Variants in RASA2 observed in about 807,000 individuals in gnomAD.
RASA2 encodes the protein ras GTPase-activating protein 2.
Under a neutral mutation model 118.2 loss-of-function variants are expected in RASA2, and 155 were observed. The ratio of observed to expected loss-of-function variants is 1.31; its 90% CI spans 1.15 to 1.50. RASA2 has a LOEUF of 1.50. RASA2 is among the 40% of genes most tolerant of loss of function. RASA2 has a pLI of 0.00. For missense variants in RASA2, 1,016 were observed against 1,009.6 expected, an observed-to-expected ratio of 1.01 and a Z score of -0.09; for synonymous variants, 353 against 349.1, an observed-to-expected ratio of 1.01 and a Z score of -0.12.
At chr3:141,597,425 T>C (rs1327542344) in intron 19 of RASA2, among the ~76,000 whole-genome samples, 1 of 152,096 alleles carries the variant, frequency 6.6e-6, no homozygotes, top group Admixed American at 6.6e-5. Flanking sequence ...GAAAGTAGGT[T>C]AGTGGCTGCT....
chr3:141,553,476 C>A (rs1001155836), intron 5 of RASA2, among the ~76,000 whole-genome samples: 4 of 151,870 alleles, frequency 2.6e-5, no homozygotes, highest in Non-Finnish European at 5.9e-5. Context: ...TTAAGCATCC[C>A]AAATCCAAAA....
intron 2 of RASA2, among the ~76,000 whole-genome samples, chr3:141,513,387 G>A (rs1305630705): frequency 6.6e-6 from 1 of 151,930 alleles, no homozygotes; most frequent in Non-Finnish European, 1.5e-5. Flanking sequence ...GAAATCTTTA[G>A]TCTTAATTCT....
chr3:141,515,761 G>A (rs369084477), intron 2 of RASA2, among the ~76,000 whole-genome samples: 11 of 151,680 alleles, frequency 7.3e-5, no homozygotes, highest in Middle Eastern at 3.4e-3. Context: ...TTAGCTGGGC[G>A]TGGTGGCATG....
chr3:141,514,766 C>A (rs1270694747), intron 2 of RASA2, among the ~76,000 whole-genome samples: 1 of 152,142 alleles, frequency 6.6e-6, no homozygotes. Context: ...AAACTGGAAA[C>A]AACTCAAATA....
intron 19 of RASA2, among the ~76,000 whole-genome samples, chr3:141,602,465 C>T (rs184525923): frequency 6.6e-6 from 1 of 152,262 alleles, no homozygotes; most frequent in Non-Finnish European, 1.5e-5. Flanking sequence ...GCTTGCTTGC[C>T]CACCCACTGC....
chr3:141,511,986 CT>C (rs908041022), intron 1 of RASA2, among the ~76,000 whole-genome samples, 176 bp from the exon 2 acceptor site: 10 of 151,920 alleles, frequency 6.6e-5, no homozygotes, highest in African/African-American at 2.4e-4. Flanking sequence ...CACACAGCCC[CT>C]CCCTTCAGTC....
chr3:141,572,029 CATAT>C (rs10568210), intron 11 of RASA2, among the ~76,000 whole-genome samples: 13,350 of 121,194 alleles, frequency 0.11, 825 homozygotes, highest in African/African-American at 0.19. Flanking sequence ...TTTAAAAAAA[CATAT>C]ATATATATAT....
intron 9 of RASA2, among the ~76,000 whole-genome samples, chr3:141,562,507 C>T: frequency 6.8e-6 from 1 of 146,912 alleles, no homozygotes; most frequent in Non-Finnish European, 1.5e-5. Context: ...ACTGTAGTGC[C>T]AGCTACTCAG....
intron 2 of RASA2, among the ~76,000 whole-genome samples, chr3:141,513,075 A>C (rs529758809): frequency 0.017 from 2,438 of 143,196 alleles, 74 homozygotes; most frequent in African/African-American, 0.069. Flanking sequence ...GAAAAAAAAA[A>C]AAAAACAAAA....
At chr3:141,607,910 T>C in intron 20 of RASA2, 150 bp downstream of exon 20, 1 of 1,017,958 alleles carries the variant, frequency 9.8e-7, no homozygotes, top group Non-Finnish European at 1.3e-6. Flanking sequence ...TTTATTGGAT[T>C]GTTTACTATT....
rs186755213 is a variant in RASA2, at chr3:141,568,018, A to G, written c.864-2894A>G. Among the ~76,000 whole-genome samples, 359 of 152,332 alleles carry G rather than the reference A, an allele frequency of 2.4e-3. 1 individual carries two copies. Among genetic ancestry groups the G allele is most frequent in the African/African-American group, 7.6e-3 (314 of 41,582 alleles). On this transcript the variant is annotated intron_variant, in intron 9 of 23. Transcript: ENST00000286364. Reference sequence around the variant, plus strand: ...TCTTAGTAAGGAGGGTTGAAATTAAATTCAAAATTTTAATGTTTGCTGTTT... The same window carrying G: ...TCTTAGTAAGGAGGGTTGAAATTAAGTTCAAAATTTTAATGTTTGCTGTTT...
At chr3:141,597,299 C>T (rs2083388848) in intron 19 of RASA2, among the ~76,000 whole-genome samples, 1 of 152,158 alleles carries the variant, frequency 6.6e-6, no homozygotes, top group South Asian at 2.1e-4. Flanking sequence ...ACACATGCTG[C>T]ATCATGGATG....
Position 141,574,041 on chromosome 3 carries a change from G to T in RASA2, c.1457G>T (p.Arg486Met). Residue 486 changes from arginine to methionine, a missense_variant, in exon 14 of 24, where the codon AGG (arginine) becomes ATG (methionine). Arg to Met is a moderately conservative substitution (Grantham distance 91, BLOSUM62 -1). Around this residue, in one of 2 missense-constraint regions of RASA2, gnomAD observed 896 missense variants for 836.4 expected, o/e 1.07. Transcript: ENST00000286364. ...ATGTGTGATATCTTTTATTCTCTAA[G>T]GCAGATGGCTACTCAGAGATTTCCT... The part of the protein sequence containing the change: ...TVMCDIFYSL[R>M]QMATQRFPND... The T allele has an allele frequency of 6.6e-7, 1 of 1,525,422 alleles. No individual in the cohort carries two copies. 94.5% of individuals were successfully genotyped at this position (1,525,422 alleles called of 1,614,324 possible).
At position 141,584,016 on chromosome 3, in the gene RASA2, A is replaced by T. The variant is rs909056013; in HGVS notation, c.1753-2009A>T. Among the ~76,000 whole-genome samples, 12 of 151,356 alleles carry T rather than the reference A, an allele frequency of 7.9e-5. No individual in the cohort carries two copies. The East Asian group carries it at 1.4e-3, about 17-fold the overall frequency. On this transcript the variant is annotated intron_variant, in intron 17 of 23. Transcript: ENST00000286364. ...CTCAAAATCAAAGTAATGGTAGATT[A>T]AAAAAAAAGAAGAAGAAAAGAAAAG...
chr3:141,549,255 G>T (rs1478492347), intron 5 of RASA2, among the ~76,000 whole-genome samples: 1 of 152,072 alleles, frequency 6.6e-6, no homozygotes, highest in Non-Finnish European at 1.5e-5. Flanking sequence ...TGCTCCTTCA[G>T]TTATGCCTTC....
Position 141,610,066 on chromosome 3 carries a change from A to C in RASA2, c.2519A>C (p.Lys840Thr). The C allele has an allele frequency of 6.4e-7, 1 of 1,569,676 alleles. No individual in the cohort carries two copies. Among genetic ancestry groups the C allele is most frequent in the Non-Finnish European group, 8.6e-7 (1 of 1,158,868 alleles). Reference protein sequence around the residue: ...KRSSSAKYGSKENPIVGKAS With the variant: ...KRSSSAKYGSTENPIVGKAS ...TCCAGTAGTGCAAAATATGGGAGCAAGTGAGTAATTTTTAAGCTATTGTAA... is the reference window on the plus strand; with the variant it reads ...TCCAGTAGTGCAAAATATGGGAGCACGTGAGTAATTTTTAAGCTATTGTAA... The change falls in exon 23 of 24, where the codon AAG becomes ACG. Residue 840 changes from lysine (K) to threonine (T), a missense_variant and splice_region_variant. Physicochemically the swap from Lys to Thr is moderately conservative, Grantham distance 78 (BLOSUM62 -1). Transcript: ENST00000286364.
rs2081585646 is a variant in RASA2, at chr3:141,487,092, G to GGCGGCGCCTGCTGCT, written c.16_30dup (p.Pro6_Ala10dup). 8 of 1,373,430 alleles carry GGCGGCGCCTGCTGCT rather than the reference G, an allele frequency of 5.8e-6. No individual in the cohort carries two copies. The Admixed American group carries it at 8.9e-5, about 15-fold the overall frequency. The allele number at this position is 1,373,430 out of a possible 1,614,324, so 85.1% of individuals were successfully genotyped here. A position where few individuals can be genotyped will look rare whatever the true frequency, so the allele number is the denominator to read the frequency against. On this transcript the variant is annotated inframe_insertion, in exon 1 of 24. Coordinates refer to ENST00000286364, the MANE Select transcript of RASA2 (RefSeq NM_006506.5). Reference sequence around the variant, plus strand: ...ACGGGCCGGGCGGCACCATGGCGGCGGCGGCGCCTGCTGCTGCGGCGGCTT... The same window carrying GGCGGCGCCTGCTGCT: ...ACGGGCCGGGCGGCACCATGGCGGCGGCGGCGCCTGCTGCTGCGGCGCCTGCTGCTGCGGCGGCTT...
At chr3:141,548,074 A>C (rs2082513838) in intron 5 of RASA2, among the ~76,000 whole-genome samples, 1 of 152,030 alleles carries the variant, frequency 6.6e-6, no homozygotes, top group Non-Finnish European at 1.5e-5. Flanking sequence ...CGTGTTGTCG[A>C]ATTGGGTTTG....
chr3:141,565,564 A>G (rs1264499200), intron 9 of RASA2, among the ~76,000 whole-genome samples: 1 of 152,184 alleles, frequency 6.6e-6, no homozygotes, highest in Non-Finnish European at 1.5e-5. Flanking sequence ...AATAAGTCTC[A>G]TGAGATCTGA....
Sources: allele counts gnomAD v4.1 joint callset (sites outside exome capture counted in the v4.1 genomes callset), GRCh38; gene constraint gnomAD v4.1.1; regional missense constraint gnomAD v4.1.1; transcripts MANE v1.5; gene names NCBI Gene and HGNC (gene_info 2026-07-23, HGNC 2026-07-21).